GUCY1A2: variants seen among roughly 807,000 people sequenced by gnomAD.
GUCY1A2 encodes guanylate cyclase 1 soluble subunit alpha 2.
Under a neutral mutation model 63.5 loss-of-function variants are expected in GUCY1A2, and 27 were observed. The ratio of observed to expected loss-of-function variants is 0.43; its 90% CI spans 0.31 to 0.59. The LOEUF is 0.59. Ranked by LOEUF, GUCY1A2 falls within the 20% of genes least tolerant of loss-of-function variation. The pLI, the probability that GUCY1A2 is intolerant of heterozygous loss-of-function variation, is 0.11. For missense variants in GUCY1A2, 768 were observed against 913.3 expected (o/e 0.84, Z 2.05); for synonymous variants, 364 against 343.5 (o/e 1.06, Z -0.66).
rs1345664135 is a variant in GUCY1A2, at chr11:106,776,435, T to C, written c.1836+4A>G. The C allele has an allele frequency of 6.2e-7, 1 of 1,611,260 alleles. No homozygotes were observed. The highest frequency in any genetic ancestry group is 1.3e-5 in the African/African-American group (1 of 74,850). Reference sequence around the variant, plus strand: ...TACTCAAACTAGATTGTTGGGAGGGTTACCTGAATCGGTCTTCCATCAGGT... The same window carrying C: ...TACTCAAACTAGATTGTTGGGAGGGCTACCTGAATCGGTCTTCCATCAGGT... On this transcript the variant is annotated splice_donor_region_variant and intron_variant, in intron 6 of 7. Transcript: ENST00000526355.
At chr11:106,750,323 A>G (rs1286947443) in intron 6 of GUCY1A2, among the ~76,000 whole-genome samples, 3 of 152,032 alleles carry the variant, frequency 2.0e-5, no homozygotes, top group African/African-American at 7.2e-5. Flanking sequence ...GGATGATGCT[A>G]ACCCACACTG....
intron 5 of GUCY1A2, among the ~76,000 whole-genome samples, chr11:106,804,995 A>G (rs1858662164): frequency 6.6e-6 from 1 of 152,072 alleles, no homozygotes; most frequent in South Asian, 2.1e-4. Context: ...TAGGCTTATA[A>G]TACTTACATT....
chr11:106,990,627 T>C (rs1238463388), intron 1 of GUCY1A2, among the ~76,000 whole-genome samples: 1 of 152,220 alleles, frequency 6.6e-6, no homozygotes, highest in Non-Finnish European at 1.5e-5. Context: ...TGAAACACAG[T>C]TGTCATCGCA....
intron 4 of GUCY1A2, among the ~76,000 whole-genome samples, chr11:106,939,190 AGTTCT>A (rs1860717675): frequency 6.6e-6 from 1 of 152,164 alleles, no homozygotes; most frequent in African/African-American, 2.4e-5. Context: ...GTTTTTAGTG[AGTTCT>A]ATCATTTTTG....
In GUCY1A2 at chr11:106,901,235, T is replaced by C. The variant is rs1010454488; in HGVS notation, c.1206+38225A>G. ...CATCCATAAGAATCAACTCCTCATA[T>C]GTTCAAGTTCTACTGTGAGAGTGCA... On this transcript the variant is annotated intron_variant, in intron 4 of 7. Transcript: ENST00000526355. Among the ~76,000 whole-genome samples the C allele has an allele frequency of 3.3e-5, 5 of 152,312 alleles. No individual in the cohort carries two copies. In the East Asian group the frequency reaches 9.7e-4, roughly 30 times the overall value.
intron 6 of GUCY1A2, among the ~76,000 whole-genome samples, chr11:106,715,424 T>G (rs774308450): frequency 1.3e-5 from 2 of 152,190 alleles, no homozygotes; most frequent in African/African-American, 4.8e-5. Context: ...CTTAGTTCAC[T>G]TGGCTCCGAG....
chr11:106,692,745 T>G (rs936463262), intron 7 of GUCY1A2, among the ~76,000 whole-genome samples: 75 of 152,200 alleles, frequency 4.9e-4, no homozygotes, highest in African/African-American at 1.8e-3. Context: ...TACTTTCCTA[T>G]CTCTGACGAT....
intron 6 of GUCY1A2, among the ~76,000 whole-genome samples, chr11:106,732,523 A>G (rs10890574): frequency 0.28 from 41,982 of 152,042 alleles, 5,995 homozygotes; most frequent in Middle Eastern, 0.31. Context: ...GAAAATATTT[A>G]AATGTTAAAG....
At chr11:107,014,251 G>A (rs761945419) in intron 1 of GUCY1A2, among the ~76,000 whole-genome samples, 41 of 152,060 alleles carry the variant, frequency 2.7e-4, no homozygotes, top group Admixed American at 2.6e-3. Flanking sequence ...ACCATGCCCA[G>A]CTAATTTTTG....
At chr11:106,775,476 C>CA (rs1224988338) in intron 6 of GUCY1A2, among the ~76,000 whole-genome samples, 170 of 92,626 alleles carry the variant, frequency 1.8e-3, no homozygotes, top group African/African-American at 6.5e-3. Flanking sequence ...TCACCAATTA[C>CA]GTTTTTTTTT....
chr11:106,910,272 G>A (rs1194776614), intron 4 of GUCY1A2, among the ~76,000 whole-genome samples: 1 of 151,920 alleles, frequency 6.6e-6, no homozygotes, highest in African/African-American at 2.4e-5. Flanking sequence ...TATGTAGTAT[G>A]ATCCCTATTA....
At chr11:106,857,327 A>T (rs372292731) in intron 4 of GUCY1A2, among the ~76,000 whole-genome samples, 3 of 152,092 alleles carry the variant, frequency 2.0e-5, no homozygotes, top group South Asian at 2.1e-4. Context: ...TTTCTTACAC[A>T]GGCTCTAATC....
At chr11:106,853,402 C>G (rs1453755537) in intron 4 of GUCY1A2, among the ~76,000 whole-genome samples, 1 of 151,754 alleles carries the variant, frequency 6.6e-6, no homozygotes, top group East Asian at 1.9e-4. Context: ...GCTCTATCTT[C>G]AAGTTTAATT....
intron 4 of GUCY1A2, among the ~76,000 whole-genome samples, chr11:106,878,860 G>A (rs759643586): frequency 5.9e-5 from 9 of 151,404 alleles, no homozygotes; most frequent in African/African-American, 2.2e-4. Context: ...AAGTAATGCA[G>A]CTCTGCCAAT....
At chr11:106,941,626 T>G (rs966294636) in intron 3 of GUCY1A2, among the ~76,000 whole-genome samples, 2 of 152,248 alleles carry the variant, frequency 1.3e-5, no homozygotes, top group Non-Finnish European at 2.9e-5. Context: ...ATCTAGGCTG[T>G]CTACAGCTTA....
chr11:106,714,385 C>T (rs1863180836), intron 6 of GUCY1A2, among the ~76,000 whole-genome samples: 1 of 152,180 alleles, frequency 6.6e-6, no homozygotes, highest in East Asian at 1.9e-4. Flanking sequence ...TGGAAACTTA[C>T]AAGCTGAATC....
chr11:106,927,241 C>A (rs535392357), intron 4 of GUCY1A2, among the ~76,000 whole-genome samples: 2 of 151,398 alleles, frequency 1.3e-5, no homozygotes, highest in African/African-American at 4.8e-5. Flanking sequence ...GGCGTGGTGG[C>A]GGGCGCCTGT....
At chr11:106,864,797 G>C (rs1411979380) in intron 4 of GUCY1A2, among the ~76,000 whole-genome samples, 2 of 152,034 alleles carry the variant, frequency 1.3e-5, no homozygotes, top group Non-Finnish European at 2.9e-5. Context: ...GCTTTTTAAT[G>C]TGCTGCTGGA....
intron 4 of GUCY1A2, among the ~76,000 whole-genome samples, chr11:106,933,627 C>G (rs1860635153): frequency 1.3e-5 from 2 of 152,122 alleles, no homozygotes; most frequent in South Asian, 4.1e-4. Context: ...TCATTCTACT[C>G]AAAAGACACT....
Sources: allele counts gnomAD v4.1 joint callset (sites outside exome capture counted in the v4.1 genomes callset), GRCh38; gene constraint gnomAD v4.1.1; transcripts MANE v1.5; gene names NCBI Gene and HGNC (gene_info 2026-07-23, HGNC 2026-07-21).